TCL1B: variants seen among roughly 807,000 people sequenced by gnomAD.
TCL1B encodes T-cell leukemia/lymphoma protein 1B.
Under a neutral mutation model 16.9 loss-of-function variants are expected in TCL1B, and 14 were observed. The observed-to-expected ratio is 0.83, with a 90% CI of 0.55 to 1.30. The LOEUF (loss-of-function observed/expected upper bound fraction) is 1.30, where lower values mean the gene tolerates loss of function less well. Ranked by LOEUF, TCL1B falls within the 50% of genes most tolerant of loss-of-function variation. The pLI is 0.00. For synonymous variants in TCL1B, 79 were observed against 66.6 expected (o/e 1.19, Z -0.91); for missense variants, 166 against 165.2 (o/e 1.00, Z -0.03).
intron 1 of TCL1B, 150 bp from the exon 2 acceptor site, chr14:95,690,586 G>A (rs2139705592): frequency 1.1e-6 from 1 of 889,152 alleles, no homozygotes; most frequent in Non-Finnish European, 1.7e-6. Context: ...ATCCTAGATG[G>A]AGCCACAAGT....
intron 1 of TCL1B, chr14:95,689,525 T>C (rs1336555478): frequency 6.6e-6 from 1 of 152,232 alleles, no homozygotes; most frequent in Non-Finnish European, 1.5e-5. Context: ...AAGGATCTGA[T>C]GGTAAACATT....
chr14:95,690,684 G>A, intron 1 of TCL1B, 52 bp from the exon 2 acceptor site: 6 of 1,576,990 alleles, frequency 3.8e-6, no homozygotes, highest in Non-Finnish European at 5.2e-6. Context: ...GTGCAGCCCA[G>A]TTGGCAGGGA....
rs1389957910 is a variant in TCL1B, at chr14:95,686,462, C to T, written c.-6C>T. 8.2e-6 allele frequency: 13 copies of T among 1,582,286 alleles called. No individual in the cohort carries two copies. Among genetic ancestry groups the T allele is most frequent in the South Asian group, 1.2e-5 (1 of 83,950 alleles). On this transcript the variant is annotated 5_prime_UTR_variant, in exon 1 of 4. Transcript: ENST00000340722. Reference sequence around the variant, plus strand: ...CCTAGAGGCGGGTCCCGGTTGCAGACTTGCCATGGCCTCCGAAGCTTCTGT... The same window carrying T: ...CCTAGAGGCGGGTCCCGGTTGCAGATTTGCCATGGCCTCCGAAGCTTCTGT...
chr14:95,691,314 A>C lies in TCL1B; in HGVS notation c.380A>C (p.Lys127Thr), dbSNP rs1422196191. ...GTCCTAACATATCAGCCGGAGAGGA[A>C]AGACTGACACTGGGAGTGGCTGGTA... is the stretch of plus-strand genomic sequence containing the variant. Reference protein sequence around the residue: ...QLVLTYQPERKD With the variant: ...QLVLTYQPERTD The change falls in exon 3 of 4, where the codon AAA (lysine) becomes ACA (threonine). Residue 127 changes from lysine to threonine, a missense_variant. Lys to Thr is a moderately conservative substitution (Grantham distance 78). Coordinates refer to ENST00000340722, the MANE Select transcript of TCL1B (RefSeq NM_004918.4). 7 of 1,613,318 alleles carry C rather than the reference A, an allele frequency of 4.3e-6. No homozygotes were observed. Among genetic ancestry groups the C allele is most frequent in the Non-Finnish European group, 5.1e-6 (6 of 1,179,986 alleles).
chr14:95,690,227 C>T (rs1201643214), intron 1 of TCL1B, among the ~76,000 whole-genome samples: 1 of 152,174 alleles, frequency 6.6e-6, no homozygotes, highest in Non-Finnish European at 1.5e-5. Flanking sequence ...GTCTTGAACT[C>T]GTGGCTTCAA....
chr14:95,687,147 G>A (rs7159391), intron 1 of TCL1B, among the ~76,000 whole-genome samples: 13,591 of 152,216 alleles, frequency 0.089, 681 homozygotes, highest in Middle Eastern at 0.14. Flanking sequence ...ATGGCTCACC[G>A]CCTGAATGGC....
chr14:95,686,578 G>A lies in TCL1B; in HGVS notation c.111G>A (p.Val37=). 1 of 1,613,860 alleles carries A rather than the reference G, an allele frequency of 6.2e-7. No homozygotes were observed. The highest frequency in any genetic ancestry group is 8.5e-7 in the Non-Finnish European group (1 of 1,179,882). The change falls in exon 1 of 4, where the codon GTG becomes GTA. Residue 37 remains valine, a synonymous_variant. Transcript: ENST00000340722. ...EEGRTWVTVV[V]RFNPSRREWA... is the part of the protein sequence containing the mutation. ...GGAGAACCTGGGTGACTGTGGTCGT[G>A]CGGTTCAATCCCTCGCGTAGGGAAT... is the stretch of plus-strand genomic sequence containing the variant.
chr14:95,689,561 C>T (rs1164776101), intron 1 of TCL1B, among the ~76,000 whole-genome samples: 1 of 152,212 alleles, frequency 6.6e-6, no homozygotes, highest in Non-Finnish European at 1.5e-5. Context: ...TATGCTCTTG[C>T]AGCTACTCAG....
intron 1 of TCL1B, among the ~76,000 whole-genome samples, chr14:95,688,965 A>G (rs954806875): frequency 1.1e-4 from 16 of 152,210 alleles, no homozygotes; most frequent in African/African-American, 2.4e-4. Flanking sequence ...CCACATGTCA[A>G]TGCACTTAAT....
rs1434234068 is a variant in TCL1B, at chr14:95,691,296, C to T, written c.362C>T (p.Thr121Ile). Residue 121 changes from threonine to isoleucine, a missense_variant, in exon 3 of 4, where the codon ACA becomes ATA. Transcript: ENST00000340722. ...GACTCTATGGAGCAGCTGGTCCTAA[C>T]ATATCAGCCGGAGAGGAAAGACTGA... ...QIDSMEQLVLTYQPERKD is the reference protein window; with the variant it reads ...QIDSMEQLVLIYQPERKD 8.7e-6 allele frequency: 14 copies of T among 1,613,702 alleles called. No individual in the cohort carries two copies. The Admixed American group carries it at 1.3e-4, about 15-fold the overall frequency.
At chr14:95,687,092 A>G (rs1226632447) in intron 1 of TCL1B, among the ~76,000 whole-genome samples, 2 of 152,228 alleles carry the variant, frequency 1.3e-5, no homozygotes, top group Non-Finnish European at 2.9e-5. Flanking sequence ...CAAAATGAGA[A>G]TAATATACCT....
At chr14:95,687,873 A>T (rs1330220843) in intron 1 of TCL1B, among the ~76,000 whole-genome samples, 1 of 143,458 alleles carries the variant, frequency 7.0e-6, no homozygotes, top group East Asian at 2.1e-4. Context: ...AATGGCGTGA[A>T]CCCGGGAGGC....
chr14:95,689,102 C>CA (rs1311413084), intron 1 of TCL1B, among the ~76,000 whole-genome samples: 6 of 151,722 alleles, frequency 4.0e-5, no homozygotes, highest in African/African-American at 7.3e-5. Context: ...CTGGCTAACA[C>CA]GGTGAAACCC....
rs1311522795 is a variant in TCL1B, at chr14:95,692,533, GCTT to G, written c.*621_*623del. The stretch of plus-strand genomic sequence containing the variant: ...GCATGGAGGGATGGGTTTGGCCTGT[GCTT>G]CTGCTTATTCAGTCCTTCAGCTCAC... On this transcript the variant is annotated 3_prime_UTR_variant, in exon 4 of 4. Transcript: ENST00000340722. 6.6e-6 allele frequency: 1 copy of G among 152,276 alleles called. No individual in the cohort carries two copies. Among genetic ancestry groups the G allele is most frequent in the African/African-American group, 2.4e-5 (1 of 41,442 alleles). 9.4% of individuals were successfully genotyped at this position (152,276 alleles called of 1,614,324 possible). A position where few individuals can be genotyped will look rare whatever the true frequency, so the allele number is the denominator to read the frequency against.
At chr14:95,687,590 A>C (rs575597777) in intron 1 of TCL1B, among the ~76,000 whole-genome samples, 1 of 152,166 alleles carries the variant, frequency 6.6e-6, no homozygotes, top group African/African-American at 2.4e-5. Context: ...TCATGGGTGC[A>C]GTATCCATGG....
intron 2 of TCL1B, 102 bp from the exon 3 acceptor site, chr14:95,691,166 C>G (rs1885877005): frequency 1.4e-6 from 2 of 1,391,788 alleles, no homozygotes; most frequent in Non-Finnish European, 9.9e-7. Flanking sequence ...TCCCACCTGC[C>G]TCACCCCTGC....
Position 95,692,499 on chromosome 14 carries a change from C to T in TCL1B, c.*584C>T, listed in dbSNP as rs966459629. 6.6e-6 allele frequency: 1 copy of T among 152,350 alleles called. No homozygotes were observed. Among genetic ancestry groups the T allele is most frequent in the African/African-American group, 2.4e-5 (1 of 41,472 alleles). The allele number at this position is 152,350 out of a possible 1,614,324, so 9.4% of individuals were successfully genotyped here. On this transcript the variant is annotated 3_prime_UTR_variant, in exon 4 of 4. Coordinates refer to ENST00000340722, the MANE Select transcript of TCL1B (RefSeq NM_004918.4). The stretch of plus-strand genomic sequence containing the variant: ...CAGAGCCTCAGTGAGCCCATCTGCA[C>T]AGTGGGGAGCATGGAGGGATGGGTT...
chr14:95,686,734 G>T, intron 1 of TCL1B, 105 bp downstream of exon 1: 1 of 1,340,970 alleles, frequency 7.5e-7, no homozygotes, highest in Non-Finnish European at 9.9e-7. Flanking sequence ...ACCCGCACTG[G>T]AAAACTCACT....
chr14:95,686,724 A>G (rs1454047648), intron 1 of TCL1B, 95 bp downstream of exon 1: 1 of 1,400,376 alleles, frequency 7.1e-7, no homozygotes, highest in Non-Finnish European at 9.5e-7. Flanking sequence ...GGCCGTTCTC[A>G]CCCGCACTGG....
Sources: allele counts gnomAD v4.1 joint callset (sites outside exome capture counted in the v4.1 genomes callset), GRCh38; gene constraint gnomAD v4.1.1; transcripts MANE v1.5; gene names NCBI Gene and HGNC (gene_info 2026-07-23, HGNC 2026-07-21).